Variants in RABGAP1L observed in about 807,000 individuals in gnomAD.
The protein encoded by RABGAP1L is rab GTPase-activating protein 1-like.
RABGAP1L carries 63 observed loss-of-function variants against 137.7 expected under a neutral mutation model. The observed-to-expected ratio is 0.46, with a 90% CI of 0.37 to 0.56. The LOEUF is 0.56. RABGAP1L is among the 20% of genes least tolerant of loss of function. RABGAP1L has a pLI of 0.00. For missense variants in RABGAP1L, 1,095 were observed against 1,244.0 expected, an observed-to-expected ratio of 0.88 and a Z score of 1.80; for synonymous variants, 431 against 433.7, an observed-to-expected ratio of 0.99 and a Z score of 0.08.
At chr1:174,809,286 G>T (rs1282600734) in intron 18 of RABGAP1L, among the ~76,000 whole-genome samples, 3 of 152,170 alleles carry the variant, frequency 2.0e-5, no homozygotes, top group African/African-American at 7.2e-5. Flanking sequence ...GGGAACTCTG[G>T]CTTCTCGTGT....
At chr1:174,757,588 A>G (rs1375829587) in intron 18 of RABGAP1L, among the ~76,000 whole-genome samples, 1 of 150,124 alleles carries the variant, frequency 6.7e-6, no homozygotes, top group African/African-American at 2.4e-5. Context: ...AAACAAAGCA[A>G]TTTAAAAGTA....
In RABGAP1L at chr1:174,637,495, C is replaced by T; in HGVS notation, c.1824+7C>T. 6.5e-7 allele frequency: 1 copy of T among 1,541,218 alleles called. No individual in the cohort carries two copies. Among genetic ancestry groups the T allele is most frequent in the Non-Finnish European group, 8.9e-7 (1 of 1,117,386 alleles). On this transcript the variant is annotated splice_region_variant and intron_variant, in intron 14 of 25. Transcript: ENST00000681986. ...GCTCTATAAGATCTGCAAGGTAGGA[C>T]TCTCTTCCTCACTTTTTCTAAATTA...
intron 1 of RABGAP1L, among the ~76,000 whole-genome samples, chr1:174,218,879 T>A (rs1669539622): frequency 6.6e-6 from 1 of 152,042 alleles, no homozygotes; most frequent in Non-Finnish European, 1.5e-5. Flanking sequence ...AGATATGGAC[T>A]GGTTTGTGTA....
chr1:174,589,166 C>T (rs1669358680), intron 13 of RABGAP1L, among the ~76,000 whole-genome samples: 1 of 152,176 alleles, frequency 6.6e-6, no homozygotes, highest in Non-Finnish European at 1.5e-5. Context: ...GATGATATCT[C>T]ATTGTAGTTT....
chr1:174,275,804 A>G (rs1435821491), intron 8 of RABGAP1L, 29 bp from the exon 9 acceptor site: 34 of 1,517,922 alleles, frequency 2.2e-5, no homozygotes, highest in Non-Finnish European at 2.9e-5. Context: ...GATGTCTTTT[A>G]TCAGTAATTA....
intron 19 of RABGAP1L, among the ~76,000 whole-genome samples, chr1:174,942,860 C>CTT (rs1666123667): frequency 6.6e-6 from 1 of 152,200 alleles, no homozygotes; most frequent in African/African-American, 2.4e-5. Flanking sequence ...AATATTGGTG[C>CTT]TTATACCTTT....
At chr1:174,539,215 G>C (rs1467460769) in intron 13 of RABGAP1L, among the ~76,000 whole-genome samples, 3 of 151,956 alleles carry the variant, frequency 2.0e-5, no homozygotes, top group African/African-American at 4.8e-5. Flanking sequence ...GTTAAACTTA[G>C]TGGTAAAGAA....
chr1:174,496,901 C>T (rs1660784681), intron 13 of RABGAP1L, among the ~76,000 whole-genome samples: 1 of 152,150 alleles, frequency 6.6e-6, no homozygotes, highest in South Asian at 2.1e-4. Flanking sequence ...TACCCACACC[C>T]ATCACTATTA....
chr1:174,822,350 G>C (rs1691120242), intron 19 of RABGAP1L, among the ~76,000 whole-genome samples: 1 of 152,348 alleles, frequency 6.6e-6, no homozygotes, highest in Non-Finnish European at 1.5e-5. Context: ...AACACTCATA[G>C]TCTTCAGTGC....
chr1:174,966,509 A>G (rs1200999637), intron 20 of RABGAP1L, among the ~76,000 whole-genome samples: 3 of 152,150 alleles, frequency 2.0e-5, no homozygotes, highest in Admixed American at 6.5e-5. Flanking sequence ...TTTTCCATGA[A>G]AAGGAGTAAT....
At chr1:174,202,640 T>A (rs1019029054) in intron 1 of RABGAP1L, among the ~76,000 whole-genome samples, 92 of 152,226 alleles carry the variant, frequency 6.0e-4, no homozygotes, top group African/African-American at 1.9e-3. Flanking sequence ...TGCTGTGCAG[T>A]AGCTCTTTAG....
chr1:174,342,742 T>TG (rs1473880309), intron 11 of RABGAP1L, among the ~76,000 whole-genome samples: 1 of 145,708 alleles, frequency 6.9e-6, no homozygotes, highest in Non-Finnish European at 1.5e-5. Context: ...TCAGAAGAAT[T>TG]TTTTTTTTTT....
At chr1:174,328,950 G>A (rs1395403056) in intron 11 of RABGAP1L, among the ~76,000 whole-genome samples, 5 of 150,768 alleles carry the variant, frequency 3.3e-5, no homozygotes, top group South Asian at 2.1e-4. Context: ...AAACTAACAC[G>A]TCTCAAGGAA....
chr1:174,321,480 G>A (rs1185064027), intron 11 of RABGAP1L, among the ~76,000 whole-genome samples: 1 of 152,064 alleles, frequency 6.6e-6, no homozygotes, highest in East Asian at 1.9e-4. Flanking sequence ...GTCTGCCCCG[G>A]ACTCCCAGCT....
At chr1:174,844,074 T>G (rs981257685) in intron 19 of RABGAP1L, among the ~76,000 whole-genome samples, 1 of 151,770 alleles carries the variant, frequency 6.6e-6, no homozygotes, top group African/African-American at 2.4e-5. Context: ...TTGATGGGGT[T>G]GTTTTTTTCT....
chr1:174,303,581 T>C (rs1458516968), intron 10 of RABGAP1L, among the ~76,000 whole-genome samples: 1 of 152,200 alleles, frequency 6.6e-6, no homozygotes. Flanking sequence ...AATGCTAATA[T>C]GAACCAGGCA....
chr1:174,738,775 G>A (rs1322706189), intron 17 of RABGAP1L, among the ~76,000 whole-genome samples: 2 of 152,174 alleles, frequency 1.3e-5, no homozygotes, highest in Non-Finnish European at 2.9e-5. Flanking sequence ...TGAACTTGCA[G>A]ACCGTTTAAT....
chr1:174,569,167 G>C (rs1209174869), intron 13 of RABGAP1L, among the ~76,000 whole-genome samples: 1 of 152,078 alleles, frequency 6.6e-6, no homozygotes, highest in African/African-American at 2.4e-5. Flanking sequence ...TTTCATCTGG[G>C]CATGTGATGA....
chr1:174,252,361 A>G (rs1187611073), intron 6 of RABGAP1L, 119 bp from the exon 7 acceptor site: 16 of 1,217,214 alleles, frequency 1.3e-5, no homozygotes, highest in Admixed American at 3.2e-5. Flanking sequence ...AGTTTAGTAT[A>G]TCTTAAGAAT....
Sources: gnomAD v4.1 joint callset for allele counts (sites outside exome capture counted in the v4.1 genomes callset) on GRCh38, gnomAD v4.1.1 for gene constraint, MANE v1.5 for transcripts, NCBI Gene and HGNC (gene_info 2026-07-23, HGNC 2026-07-21) for gene names.